GRHL2: variants seen among roughly 807,000 people sequenced by gnomAD.
GRHL2 encodes the protein grainyhead-like protein 2 homolog.
In GRHL2, 21 loss-of-function variants were observed where a neutral mutation model predicts 83.8. The ratio of observed to expected loss-of-function variants is 0.25; its 90% confidence interval spans 0.18 to 0.36. The LOEUF is 0.36. GRHL2 is among the 10% of genes least tolerant of loss of function. The pLI is 1.00. For synonymous variants in GRHL2, 280 were observed against 278.9 expected (o/e 1.00, Z -0.04); for missense variants, 623 against 781.8 (o/e 0.80, Z 2.42).
At chr8:101,543,533 C>T (rs181280646) in intron 2 of GRHL2, 97 bp downstream of exon 2, 2 of 1,117,108 alleles carry the variant, frequency 1.8e-6, no homozygotes, top group Non-Finnish European at 2.7e-6. Context: ...GGCCAGGGAA[C>T]TAATAGCATT....
At chr8:101,638,976 T>C (rs1346173486) in intron 12 of GRHL2, among the ~76,000 whole-genome samples, 1 of 152,174 alleles carries the variant, frequency 6.6e-6, no homozygotes, top group African/African-American at 2.4e-5. Flanking sequence ...TTGAGCATCT[T>C]GCGTAAGATC....
intron 7 of GRHL2, among the ~76,000 whole-genome samples, chr8:101,589,830 T>C (rs1812241724): frequency 6.6e-6 from 1 of 152,170 alleles, no homozygotes; most frequent in Non-Finnish European, 1.5e-5. Context: ...TAATTTCAGT[T>C]GTTATTGTCC....
At chr8:101,677,553 T>A in the GRHL2 span, among the ~76,000 whole-genome samples, 1 of 151,984 alleles carries the variant, frequency 6.6e-6, no homozygotes, top group Non-Finnish European at 1.5e-5. Context: ...CTTGAGACAG[T>A]GTCTTTACCT....
intron 7 of GRHL2, among the ~76,000 whole-genome samples, chr8:101,580,893 C>T (rs763510789): frequency 8.6e-5 from 13 of 151,836 alleles, no homozygotes; most frequent in African/African-American, 2.2e-4. Context: ...TTAGTAGAGA[C>T]GGGGTTTCAC....
intron 11 of GRHL2, 73 bp from the exon 12 acceptor site, chr8:101,636,824 G>C (rs570079997): frequency 1.5e-6 from 2 of 1,342,952 alleles, no homozygotes; most frequent in African/African-American, 1.4e-5. Flanking sequence ...CCTTAGGAAA[G>C]TCTGTACATC....
At chr8:101,574,740 A>G (rs1811899270) in intron 6 of GRHL2, among the ~76,000 whole-genome samples, 1 of 152,252 alleles carries the variant, frequency 6.6e-6, no homozygotes, top group Non-Finnish European at 1.5e-5. Context: ...CAGGAGAATT[A>G]GTAAATTCTA....
chr8:101,673,664 C>T (rs1009970454), downstream of GRHL2, among the ~76,000 whole-genome samples: 1 of 151,966 alleles, frequency 6.6e-6, no homozygotes. Flanking sequence ...AGAAAGTTAA[C>T]AAGGATACCC....
intron 1 of GRHL2, among the ~76,000 whole-genome samples, chr8:101,542,109 G>A (rs185821514): frequency 6.6e-6 from 1 of 152,246 alleles, no homozygotes; most frequent in Admixed American, 6.5e-5. Flanking sequence ...TGAGACATGG[G>A]TTGGTCTATA....
chr8:101,578,304 T>C (rs1811974341), intron 7 of GRHL2, among the ~76,000 whole-genome samples: 1 of 152,126 alleles, frequency 6.6e-6, no homozygotes, highest in East Asian at 1.9e-4. Context: ...AGAGCTGTTT[T>C]CCAATGGGAG....
chr8:101,674,459 A>G (rs946877160), downstream of GRHL2, among the ~76,000 whole-genome samples: 83 of 152,336 alleles, frequency 5.4e-4, no homozygotes, highest in African/African-American at 1.9e-3. Context: ...AAAATCTAGA[A>G]GAAATGGATA....
In GRHL2 at chr8:101,656,803, ATT is replaced by A. The variant is rs752003968; in HGVS notation, c.1698+7305_1698+7306del. On this transcript the variant is annotated intron_variant, in intron 14 of 15. Coordinates refer to ENST00000646743, the MANE Select transcript of GRHL2 (RefSeq NM_024915.4). ...TTAAAGTAACACACAGAAATTATAA[ATT>A]AATATATACTGGGTGTGTGTTCATG... is the stretch of plus-strand genomic sequence containing the variant. Among the ~76,000 whole-genome samples, 9 of 152,214 alleles carry A rather than the reference ATT, an allele frequency of 5.9e-5. No individual in the cohort carries two copies. The South Asian group carries it at 8.3e-4, about 14-fold the overall frequency.
At chr8:101,671,820 G>T (rs887808450), downstream of GRHL2, among the ~76,000 whole-genome samples, 1 of 152,176 alleles carries the variant, frequency 6.6e-6, no homozygotes, top group Non-Finnish European at 1.5e-5. Context: ...ATATGTCCGG[G>T]TACTCCTCTG....
intron 2 of GRHL2, among the ~76,000 whole-genome samples, chr8:101,547,159 T>A (rs749671550): frequency 1.3e-5 from 2 of 152,246 alleles, no homozygotes. Flanking sequence ...GTTAAAGTTA[T>A]AACAAAGTTA....
At chr8:101,674,935 T>C in the GRHL2 span, among the ~76,000 whole-genome samples, 1 of 152,122 alleles carries the variant, frequency 6.6e-6, no homozygotes, top group African/African-American at 2.4e-5. Context: ...ATCCAGCATA[T>C]AAACAGAACC....
intron 15 of GRHL2, among the ~76,000 whole-genome samples, chr8:101,665,049 TG>T (rs1406489265): frequency 6.6e-6 from 1 of 152,190 alleles, no homozygotes; most frequent in African/African-American, 2.4e-5. Flanking sequence ...GTACTTTACA[TG>T]TATTCCTCTA....
intron 5 of GRHL2, among the ~76,000 whole-genome samples, chr8:101,573,430 C>A (rs138728290): frequency 6.6e-6 from 1 of 152,240 alleles, no homozygotes; most frequent in East Asian, 1.9e-4. Flanking sequence ...CCAGGCACAT[C>A]GTGGACTTTA....
chr8:101,520,061 G>C (rs772846181), intron 1 of GRHL2, among the ~76,000 whole-genome samples: 7 of 152,110 alleles, frequency 4.6e-5, no homozygotes, highest in Non-Finnish European at 1.0e-4. Context: ...AAGTCAATTT[G>C]TTTGCCCTAT....
intron 1 of GRHL2, among the ~76,000 whole-genome samples, chr8:101,498,205 G>C (rs1008779324): frequency 6.6e-6 from 1 of 152,150 alleles, no homozygotes; most frequent in South Asian, 2.1e-4. Context: ...TGCAACCTCC[G>C]CCTCCCAAGT....
At chr8:101,634,396 T>C (rs975469559) in intron 11 of GRHL2, among the ~76,000 whole-genome samples, 2 of 152,154 alleles carry the variant, frequency 1.3e-5, no homozygotes, top group Admixed American at 6.5e-5. Flanking sequence ...AAAAGTTAGA[T>C]GCCTGGGAGA....
Sources: allele counts gnomAD v4.1 joint callset (sites outside exome capture counted in the v4.1 genomes callset), GRCh38; gene constraint gnomAD v4.1.1; transcripts MANE v1.5; gene names NCBI Gene and HGNC (gene_info 2026-07-23, HGNC 2026-07-21).